Variants in NCS1 observed in about 807,000 individuals in gnomAD.
The protein encoded by NCS1 is frequenin homolog.
NCS1 carries 6 observed loss-of-function variants against 28.4 expected under a neutral mutation model. The observed-to-expected ratio is 0.21, with a 90% confidence interval of 0.12 to 0.42. NCS1 has a LOEUF of 0.42. Among genes scored for constraint, NCS1 ranks in the 10% least tolerant of loss-of-function variants. NCS1 has a pLI of 1.00. For missense variants in NCS1, 131 were observed against 241.4 expected, an observed-to-expected ratio of 0.54 and a Z score of 3.03; for synonymous variants, 86 against 99.3, an observed-to-expected ratio of 0.87 and a Z score of 0.79.
At chr9:130,201,243 C>T (rs1447271699) in intron 2 of NCS1, among the ~76,000 whole-genome samples, 3 of 152,074 alleles carry the variant, frequency 2.0e-5, no homozygotes, top group African/African-American at 7.2e-5. Flanking sequence ...ACCACCAAGG[C>T]CTGAAGGGTT....
rs1554909956 is a variant in NCS1, at chr9:130,219,754, C to G, written c.258C>G (p.Ile86Met). 1 of 1,614,234 alleles carries G rather than the reference C, an allele frequency of 6.2e-7. No homozygotes were observed. Among genetic ancestry groups the G allele is most frequent in the African/African-American group, 1.3e-5 (1 of 75,064 alleles). Reference sequence around the variant, plus strand: ...GGCGAATTGAGTTCTCCGAGTTCATCCAGGCGCTGTCGGTGACCTCACGGG... The same window carrying G: ...GGCGAATTGAGTTCTCCGAGTTCATGCAGGCGCTGTCGGTGACCTCACGGG... ...KDGRIEFSEF[I>M]QALSVTSRGT... Residue 86 changes from isoleucine (I) to methionine (M), a missense_variant, in exon 4 of 8, where the codon ATC (isoleucine) becomes ATG (methionine). This residue lies in a region of NCS1 where 100 missense variants were observed against 210.3 expected (regional missense o/e 0.48). Transcript: ENST00000372398. This position sits in a 1 kb window ranked among gnomAD's most constrained non-coding sequence, Gnocchi z 5.7.
chr9:130,197,608 C>T (rs1467290857), intron 1 of NCS1, among the ~76,000 whole-genome samples: 1 of 152,124 alleles, frequency 6.6e-6, no homozygotes, highest in Non-Finnish European at 1.5e-5. Flanking sequence ...CCCTGGCTGG[C>T]GGGAGGGCTG....
chr9:130,198,587 G>T (rs375624484), intron 1 of NCS1, among the ~76,000 whole-genome samples: 20 of 152,312 alleles, frequency 1.3e-4, no homozygotes, highest in African/African-American at 4.3e-4. Flanking sequence ...CAAATAAGCA[G>T]ACCCATTGGA....
intron 2 of NCS1, among the ~76,000 whole-genome samples, chr9:130,212,879 G>A (rs1285291263): frequency 6.6e-6 from 1 of 152,098 alleles, no homozygotes; most frequent in South Asian, 2.1e-4. Context: ...TGGGTGGCAC[G>A]TCAGGCTGGG....
chr9:130,224,756 TAAAA>T (rs1833388664), intron 6 of NCS1, among the ~76,000 whole-genome samples: 2 of 151,962 alleles, frequency 1.3e-5, no homozygotes, highest in Non-Finnish European at 2.9e-5. Context: ...TCCTTGAGCC[TAAAA>T]TAAAAGCCTA....
Position 130,209,986 on chromosome 9 carries a change from C to A in NCS1, c.90-7846C>A, listed in dbSNP as rs1428883781. Among the ~76,000 whole-genome samples, 1 of 152,044 alleles carries A rather than the reference C, an allele frequency of 6.6e-6. No homozygotes were observed. The highest frequency in any genetic ancestry group is 2.4e-5 in the African/African-American group (1 of 41,398). ...CCCCAAAGAGTTAAGACCCTGTTCGCGAACAAGGTTGTGTGAGGTGTGGCC... is the reference window on the plus strand; with the variant it reads ...CCCCAAAGAGTTAAGACCCTGTTCGAGAACAAGGTTGTGTGAGGTGTGGCC... On this transcript the variant is annotated intron_variant, in intron 2 of 7. Coordinates refer to ENST00000372398, the MANE Select transcript of NCS1 (RefSeq NM_014286.4). The surrounding 1 kb of genome is among the most constrained non-coding windows in gnomAD (Gnocchi z 4.4).
intron 2 of NCS1, among the ~76,000 whole-genome samples, chr9:130,202,354 A>ACCCCCCCCCCCG (rs1832961839): frequency 8.8e-6 from 1 of 113,338 alleles, no homozygotes; most frequent in African/African-American, 3.2e-5. Context: ...CCTCCCCCCC[A>ACCCCCCCCCCCG]CCCCCTGAAA....
intron 4 of NCS1, among the ~76,000 whole-genome samples, chr9:130,221,435 G>GAGAGAGAA (rs1564713750): frequency 1.4e-5 from 2 of 140,910 alleles, no homozygotes; most frequent in African/African-American, 5.2e-5. Context: ...GAGAGAGAGA[G>GAGAGAGAA]AGAGAGAGAG....
chr9:130,216,940 C>CT (rs1833199298), intron 2 of NCS1, among the ~76,000 whole-genome samples: 1 of 149,772 alleles, frequency 6.7e-6, no homozygotes, highest in Admixed American at 6.8e-5. Flanking sequence ...GTTAAACTGC[C>CT]TACAGGAGCC....
intron 2 of NCS1, 89 bp downstream of exon 2, chr9:130,201,071 T>C (rs4837482): frequency 0.95 from 1,486,361 of 1,570,038 alleles, 703,960 homozygotes; most frequent in East Asian, 1. Flanking sequence ...GTCCAGCTGC[T>C]CAGGATGGGG....
intron 2 of NCS1, among the ~76,000 whole-genome samples, chr9:130,217,203 C>T (rs1013617896): frequency 2.0e-5 from 3 of 152,154 alleles, no homozygotes; most frequent in Admixed American, 6.5e-5. Context: ...AAAGCCATTC[C>T]GGCGTCAGCC....
intron 6 of NCS1, among the ~76,000 whole-genome samples, chr9:130,225,803 A>T (rs1833405360): frequency 6.6e-6 from 1 of 152,180 alleles, no homozygotes; most frequent in Non-Finnish European, 1.5e-5. Context: ...GAGATCGAGT[A>T]GGTGCTCTCC....
intron 1 of NCS1, among the ~76,000 whole-genome samples, chr9:130,184,623 T>C (rs1270081403): frequency 2.6e-5 from 4 of 152,024 alleles, no homozygotes; most frequent in African/African-American, 7.2e-5. Context: ...TTCTTTCTTT[T>C]TTTCTTTTTC....
In NCS1 at chr9:130,219,725, G is replaced by A. The variant is rs1554909948; in HGVS notation, c.229G>A (p.Asp77Asn). ...FVFNVFDENK[D>N]GRIEFSEFIQ... The stretch of plus-strand genomic sequence containing the variant: ...GGCAATCCCCTCTCTCTCCTGTCAG[G>A]ACGGGCGAATTGAGTTCTCCGAGTT... The change falls in exon 4 of 8, where the codon GAC (aspartate) becomes AAC (asparagine). Residue 77 changes from aspartate (D) to asparagine (N), a missense_variant and splice_region_variant. This residue lies in a region of NCS1 where 100 missense variants were observed against 210.3 expected (regional missense o/e 0.48). Transcript: ENST00000372398. This position sits in a 1 kb window ranked among gnomAD's most constrained non-coding sequence, Gnocchi z 5.7. The A allele has an allele frequency of 1.9e-6, 3 of 1,614,088 alleles. No individual in the cohort carries two copies. Among genetic ancestry groups the A allele is most frequent in the Non-Finnish European group, 2.5e-6 (3 of 1,180,034 alleles).
intron 1 of NCS1, among the ~76,000 whole-genome samples, chr9:130,194,427 C>A (rs182742802): frequency 2.4e-4 from 37 of 152,028 alleles, no homozygotes; most frequent in African/African-American, 8.0e-4. Flanking sequence ...AGGCTAGGAC[C>A]CACTCTCTGC....
rs1399848630 is a variant in NCS1 at position 130,215,713 on chromosome 9, G to A, written c.90-2119G>A. ...TGCCTGGGTTTGGGCTGCTATTATG[G>A]GCTGTTACAAAGGCCTGTGGTTCCT... On this transcript the variant is annotated intron_variant, in intron 2 of 7. Coordinates refer to ENST00000372398, the MANE Select transcript of NCS1 (RefSeq NM_014286.4). This position sits in a 1 kb window ranked among gnomAD's most constrained non-coding sequence, Gnocchi z 4.2. Among the ~76,000 whole-genome samples the A allele has an allele frequency of 2.0e-5, 3 of 152,134 alleles. No homozygotes were observed. Among genetic ancestry groups the A allele is most frequent in the Non-Finnish European group, 4.4e-5 (3 of 68,030 alleles).
At chr9:130,211,554 C>G (rs561861355) in intron 2 of NCS1, among the ~76,000 whole-genome samples, 12 of 151,746 alleles carry the variant, frequency 7.9e-5, no homozygotes, top group Admixed American at 4.6e-4. Flanking sequence ...TGGAAGAAAT[C>G]AGGTCCGCGG....
chr9:130,197,609 G>A (rs1030376576), intron 1 of NCS1, among the ~76,000 whole-genome samples: 1 of 152,154 alleles, frequency 6.6e-6, no homozygotes, highest in African/African-American at 2.4e-5. Flanking sequence ...CCTGGCTGGC[G>A]GGAGGGCTGG....
chr9:130,229,895 T>G (rs551127367), intron 7 of NCS1, among the ~76,000 whole-genome samples: 2 of 152,368 alleles, frequency 1.3e-5, no homozygotes, highest in Admixed American at 1.3e-4. Flanking sequence ...GTCATTGACT[T>G]ATTCAGAAAC....
Sources: allele counts gnomAD v4.1 joint callset (sites outside exome capture counted in the v4.1 genomes callset), GRCh38; gene constraint gnomAD v4.1.1; regional missense constraint gnomAD v4.1.1; non-coding constraint Gnocchi (gnomAD v3.1); transcripts MANE v1.5; gene names NCBI Gene and HGNC (gene_info 2026-07-23, HGNC 2026-07-21).